The following PPFIBP1 variants were observed in gnomAD, a reference collection of about 807,000 sequenced individuals.
The protein encoded by PPFIBP1 is PPFIB scaffold protein 1, also known as liprin-beta-1.
PPFIBP1 carries 112 observed loss-of-function variants against 137.8 expected under a neutral mutation model. The ratio of observed to expected loss-of-function variants is 0.81; its 90% CI spans 0.70 to 0.95. PPFIBP1 has a LOEUF of 0.95. Ranked by LOEUF, PPFIBP1 falls within the 40% of genes least tolerant of loss-of-function variation. PPFIBP1 has a pLI of 0.00. For synonymous variants in PPFIBP1, 378 were observed against 417.3 expected (o/e 0.91, Z 1.15); for missense variants, 1,083 against 1,196.6 (o/e 0.91, Z 1.40).
rs1156741168 is a variant in PPFIBP1 at position 27,689,079 on chromosome 12, C to T, written c.2561C>T (p.Thr854Ile). The change falls in exon 27 of 30, where the codon ACT becomes ATT. Residue 854 changes from threonine to isoleucine, a missense_variant. Coordinates refer to ENST00000228425, the MANE Select transcript of PPFIBP1 (RefSeq NM_003622.4). ...TTATTGAACATCCCACCCAATAAGA[C>T]TTTGCTGCGAAGACATTTGGCCACT... The part of the protein sequence containing the change: ...AQLLNIPPNK[T>I]LLRRHLATHF... 6.2e-7 allele frequency: 1 copy of T among 1,613,608 alleles called. No homozygotes were observed. The highest frequency in any genetic ancestry group is 1.7e-5 in the Admixed American group (1 of 59,934).
intron 2 of PPFIBP1, among the ~76,000 whole-genome samples, chr12:27,606,669 G>T (rs7978364): frequency 6.6e-6 from 1 of 152,102 alleles, no homozygotes; most frequent in Admixed American, 6.5e-5. Flanking sequence ...AATCAATTCC[G>T]TAAGTTTGGG....
chr12:27,548,502 C>T (rs1946446334), intron 1 of PPFIBP1: 1 of 152,136 alleles, frequency 6.6e-6, no homozygotes, highest in Non-Finnish European at 1.5e-5. Flanking sequence ...TTTCCGAAAG[C>T]CAGTTGCACT....
At chr12:27,637,630 A>C (rs1267853535) in intron 4 of PPFIBP1, among the ~76,000 whole-genome samples, 1 of 152,186 alleles carries the variant, frequency 6.6e-6, no homozygotes, top group Non-Finnish European at 1.5e-5. Context: ...TCTCAAGCAC[A>C]CAGAGAATGA....
Position 27,689,085 on chromosome 12 carries a change from T to A in PPFIBP1, c.2567T>A (p.Leu856Gln). The A allele has an allele frequency of 6.2e-7, 1 of 1,613,554 alleles. No homozygotes were observed. Among genetic ancestry groups the A allele is most frequent in the Non-Finnish European group, 8.5e-7 (1 of 1,179,870 alleles). The change falls in exon 27 of 30, where the codon CTG (leucine) becomes CAG (glutamine). Residue 856 changes from leucine (L) to glutamine (Q), a missense_variant. Physicochemically the swap from Leu to Gln is moderately radical, Grantham distance 113. Transcript: ENST00000228425. ...LLNIPPNKTLLRRHLATHFNL... is the reference protein window; with the variant it reads ...LLNIPPNKTLQRRHLATHFNL... ...AACATCCCACCCAATAAGACTTTGCTGCGAAGACATTTGGCCACTCATTTC... is the reference window on the plus strand; with the variant it reads ...AACATCCCACCCAATAAGACTTTGCAGCGAAGACATTTGGCCACTCATTTC...
At chr12:27,669,538 A>T (rs2060053725) in intron 13 of PPFIBP1, among the ~76,000 whole-genome samples, 1 of 152,162 alleles carries the variant, frequency 6.6e-6, no homozygotes, top group African/African-American at 2.4e-5. Context: ...GCCAGGAGGG[A>T]GATCTGAGTT....
chr12:27,692,952 A>G lies in PPFIBP1; in HGVS notation c.*70A>G. Reference sequence around the variant, plus strand: ...ACTTGCTTTTCCAAACACTCACAGTATATACAACAGGCAGCGGATTGTCTA... The same window carrying G: ...ACTTGCTTTTCCAAACACTCACAGTGTATACAACAGGCAGCGGATTGTCTA... On this transcript the variant is annotated 3_prime_UTR_variant, in exon 30 of 30. Transcript: ENST00000228425. 3 of 1,586,370 alleles carry G rather than the reference A, an allele frequency of 1.9e-6. No homozygotes were observed. The highest frequency in any genetic ancestry group is 2.3e-5 in the East Asian group (1 of 44,438).
At chr12:27,609,151 CA>C (rs899873687) in intron 2 of PPFIBP1, 3 of 153,452 alleles carry the variant, frequency 2.0e-5, no homozygotes, top group African/African-American at 7.2e-5. Flanking sequence ...CCGAGAACTA[CA>C]AATCTTATAT....
At chr12:27,656,021 T>C (rs2059176380) in intron 8 of PPFIBP1, among the ~76,000 whole-genome samples, 1 of 152,230 alleles carries the variant, frequency 6.6e-6, no homozygotes. Context: ...AAAAGAGGGC[T>C]CCACTATCTG....
chr12:27,684,349 T>A (rs986233420), intron 24 of PPFIBP1, among the ~76,000 whole-genome samples: 2 of 151,996 alleles, frequency 1.3e-5, no homozygotes, highest in Non-Finnish European at 2.9e-5. Flanking sequence ...CCTCAGGAGA[T>A]CCACCTGCCT....
At chr12:27,669,541 T>C (rs1274766135) in intron 13 of PPFIBP1, among the ~76,000 whole-genome samples, 1 of 152,076 alleles carries the variant, frequency 6.6e-6, no homozygotes, top group African/African-American at 2.4e-5. Context: ...AGGAGGGAGA[T>C]CTGAGTTTGG....
At chr12:27,654,576 C>T in intron 7 of PPFIBP1, 146 bp from the exon 8 acceptor site, 1 of 1,003,026 alleles carries the variant, frequency 1.0e-6, no homozygotes, top group Non-Finnish European at 1.3e-6. Context: ...TAAGGAGGTA[C>T]ATTTATTTCC....
intron 2 of PPFIBP1, among the ~76,000 whole-genome samples, chr12:27,606,822 T>TA (rs1354119461): frequency 6.6e-6 from 1 of 152,198 alleles, no homozygotes; most frequent in Non-Finnish European, 1.5e-5. Flanking sequence ...AGGCACAAGG[T>TA]AAACCCTTAT....
At chr12:27,571,133 G>A (rs1233677615) in intron 1 of PPFIBP1, among the ~76,000 whole-genome samples, 2 of 151,916 alleles carry the variant, frequency 1.3e-5, no homozygotes, top group Admixed American at 1.3e-4. Flanking sequence ...TATTATGAGG[G>A]TCCTTCTGTG....
chr12:27,659,177 C>CA (rs1403045801), intron 10 of PPFIBP1, among the ~76,000 whole-genome samples: 1 of 152,146 alleles, frequency 6.6e-6, no homozygotes, highest in Non-Finnish European at 1.5e-5. Flanking sequence ...TACGAAAACT[C>CA]ACGATTTTAA....
intron 2 of PPFIBP1, among the ~76,000 whole-genome samples, chr12:27,596,401 C>G (rs1438647781): frequency 2.0e-5 from 3 of 152,326 alleles, no homozygotes; most frequent in African/African-American, 7.2e-5. Context: ...ATAGATGCAG[C>G]CTGGCAGGTA....
At chr12:27,642,228 T>C (rs2058160989) in intron 4 of PPFIBP1, among the ~76,000 whole-genome samples, 1 of 152,192 alleles carries the variant, frequency 6.6e-6, no homozygotes, top group Non-Finnish European at 1.5e-5. Flanking sequence ...TTGAGTTATA[T>C]CTCCCCCACT....
chr12:27,577,814 C>T (rs2050699834), intron 1 of PPFIBP1, among the ~76,000 whole-genome samples: 1 of 152,070 alleles, frequency 6.6e-6, no homozygotes, highest in Non-Finnish European at 1.5e-5. Flanking sequence ...ACTCAACAAA[C>T]ATTCATAGAG....
chr12:27,582,675 AGAG>A (rs2051260603), intron 2 of PPFIBP1, among the ~76,000 whole-genome samples: 1 of 152,186 alleles, frequency 6.6e-6, no homozygotes, highest in Non-Finnish European at 1.5e-5. Flanking sequence ...GCTTCAGCCA[AGAG>A]GAGACTTAAA....
At chr12:27,663,256 C>G (rs1288068269) in intron 11 of PPFIBP1, among the ~76,000 whole-genome samples, 1 of 152,172 alleles carries the variant, frequency 6.6e-6, no homozygotes, top group Non-Finnish European at 1.5e-5. Context: ...TTGCTGATAT[C>G]TCTTTGGCCA....
Sources: allele counts gnomAD v4.1 joint callset (sites outside exome capture counted in the v4.1 genomes callset), GRCh38; gene constraint gnomAD v4.1.1; transcripts MANE v1.5; gene names NCBI Gene and HGNC (gene_info 2026-07-23, HGNC 2026-07-21).